Variants in MRPS28 observed in about 807,000 individuals in gnomAD.
MRPS28 encodes small ribosomal subunit protein bS1m.
Under a neutral mutation model 10.8 loss-of-function variants are expected in MRPS28, and 7 were observed. The observed-to-expected ratio is 0.65, with a 90% CI of 0.37 to 1.22. The LOEUF (loss-of-function observed/expected upper bound fraction) is 1.22, where lower values mean the gene tolerates loss of function less well. Among genes scored for constraint, MRPS28 ranks in the 50% most tolerant of loss-of-function variants. The pLI, the probability that MRPS28 is intolerant of heterozygous loss-of-function variation, is 0.02. For synonymous variants in MRPS28, 121 were observed against 93.3 expected (o/e 1.30, Z -1.71); for missense variants, 265 against 232.9 (o/e 1.14, Z -0.90).
intron 2 of MRPS28, among the ~76,000 whole-genome samples, chr8:79,954,638 T>G (rs1386554876): frequency 6.6e-6 from 1 of 152,248 alleles, no homozygotes; most frequent in Non-Finnish European, 1.5e-5. Context: ...AAATACCTCT[T>G]CATTTTAAGA....
chr8:80,004,230 AC>A (rs1808757058), intron 1 of MRPS28, among the ~76,000 whole-genome samples: 1 of 152,072 alleles, frequency 6.6e-6, no homozygotes. Context: ...ACTGGGAGGC[AC>A]CCCCAAGTAG....
At chr8:80,024,811 A>G (rs1287363599) in intron 1 of MRPS28, among the ~76,000 whole-genome samples, 2 of 152,228 alleles carry the variant, frequency 1.3e-5, no homozygotes, top group Admixed American at 1.3e-4. Context: ...TTCTTCAGGA[A>G]CTACAGCTAG....
chr8:79,958,068 T>C (rs776288618), intron 2 of MRPS28: 5 of 242,102 alleles, frequency 2.1e-5, no homozygotes, highest in Non-Finnish European at 3.9e-5. Context: ...TGACTTTGAA[T>C]ATATTCTCAG....
intron 2 of MRPS28, among the ~76,000 whole-genome samples, chr8:79,992,682 A>C (rs1808399368): frequency 6.6e-6 from 1 of 152,230 alleles, no homozygotes; most frequent in African/African-American, 2.4e-5. Context: ...AACAAATCTC[A>C]CACACACTTA....
intron 1 of MRPS28, among the ~76,000 whole-genome samples, chr8:80,006,664 A>G (rs1808856778): frequency 6.6e-6 from 1 of 152,208 alleles, no homozygotes; most frequent in African/African-American, 2.4e-5. Context: ...TAAACTAGAA[A>G]ATCTAGAAGA....
chr8:80,015,210 G>C (rs1318046982), intron 1 of MRPS28, among the ~76,000 whole-genome samples: 1 of 152,200 alleles, frequency 6.6e-6, no homozygotes, highest in Non-Finnish European at 1.5e-5. Context: ...CAGACGGCAA[G>C]TTCTGTGGGG....
chr8:79,971,631 C>G (rs1250257821), intron 2 of MRPS28, among the ~76,000 whole-genome samples: 1 of 152,166 alleles, frequency 6.6e-6, no homozygotes, highest in East Asian at 1.9e-4. Context: ...CCTTTGTGAC[C>G]AGCTTCTTTC....
At chr8:80,009,516 C>T (rs951147661) in intron 1 of MRPS28, among the ~76,000 whole-genome samples, 4 of 151,476 alleles carry the variant, frequency 2.6e-5, no homozygotes, top group Non-Finnish European at 5.9e-5. Flanking sequence ...CTCATGAGGC[C>T]GAGGAAGGAG....
intron 2 of MRPS28, among the ~76,000 whole-genome samples, chr8:79,925,443 C>G (rs907301286): frequency 1.3e-5 from 2 of 152,112 alleles, no homozygotes; most frequent in Non-Finnish European, 2.9e-5. Flanking sequence ...TTCTAAAATT[C>G]TACTATGAAT....
chr8:80,020,447 T>C (rs531208739), intron 1 of MRPS28, among the ~76,000 whole-genome samples: 1 of 152,230 alleles, frequency 6.6e-6, no homozygotes, highest in African/African-American at 2.4e-5. Context: ...TTATTTTTGG[T>C]TTACAAATGT....
intron 2 of MRPS28, among the ~76,000 whole-genome samples, chr8:79,981,822 G>C (rs979244193): frequency 1.3e-5 from 2 of 152,190 alleles, no homozygotes; most frequent in African/African-American, 4.8e-5. Flanking sequence ...AAATGACAGA[G>C]AGTAGCATAA....
At chr8:80,004,319 G>A (rs1344253308) in intron 1 of MRPS28, among the ~76,000 whole-genome samples, 1 of 152,218 alleles carries the variant, frequency 6.6e-6, no homozygotes, top group Non-Finnish European at 1.5e-5. Flanking sequence ...AGCAACATTT[G>A]CTGTTCATCA....
At chr8:79,979,511 GA>G (rs1383803992) in intron 2 of MRPS28, among the ~76,000 whole-genome samples, 1 of 152,020 alleles carries the variant, frequency 6.6e-6, no homozygotes, top group African/African-American at 2.4e-5. Context: ...AATTTTAAAA[GA>G]AATTTTTTTA....
intron 2 of MRPS28, among the ~76,000 whole-genome samples, chr8:79,935,694 A>G (rs1806589937): frequency 6.6e-6 from 1 of 152,218 alleles, no homozygotes; most frequent in Admixed American, 6.5e-5. Flanking sequence ...CAAACAAAAC[A>G]CTAAAAAATG....
intron 2 of MRPS28, among the ~76,000 whole-genome samples, chr8:79,968,988 G>C (rs1187041373): frequency 6.6e-6 from 1 of 152,156 alleles, no homozygotes; most frequent in Non-Finnish European, 1.5e-5. Flanking sequence ...TAATAACAGT[G>C]TGTGTCCAAT....
intron 2 of MRPS28, among the ~76,000 whole-genome samples, chr8:79,973,248 T>C (rs755739240): frequency 1.3e-5 from 2 of 152,152 alleles, no homozygotes; most frequent in Non-Finnish European, 2.9e-5. Flanking sequence ...ACATTTAGAG[T>C]TGGACTCTCA....
intron 1 of MRPS28, among the ~76,000 whole-genome samples, chr8:80,027,558 C>G (rs1001909405): frequency 1.3e-5 from 2 of 152,166 alleles, no homozygotes; most frequent in Non-Finnish European, 2.9e-5. Flanking sequence ...AGTAAATAAC[C>G]TCATTAAGTC....
chr8:80,011,131 T>A (rs59720705), intron 1 of MRPS28, among the ~76,000 whole-genome samples: 2,180 of 147,024 alleles, frequency 0.015, 54 homozygotes, highest in African/African-American at 0.054. Context: ...TTTTTTATTT[T>A]TTTATTTTTA....
Position 80,030,072 on chromosome 8 carries a change from G to C in MRPS28, c.177C>G (p.His59Gln). The C allele has an allele frequency of 6.2e-7, 1 of 1,609,546 alleles. No individual in the cohort carries two copies. Among genetic ancestry groups the C allele is most frequent in the Non-Finnish European group, 8.5e-7 (1 of 1,178,914 alleles). The change falls in exon 1 of 3, where the codon CAC becomes CAG. Residue 59 changes from histidine (H) to glutamine (Q), a missense_variant. Transcript: ENST00000276585. The part of the protein sequence containing the change: ...AGGFASALER[H>Q]SELLQKVEPL... ...GCTCCACCTTCTGTAGAAGCTCCGA[G>C]TGCCGCTCCAACGCGCTCGCGAAAC...
Sources: gnomAD v4.1 joint callset for allele counts (sites outside exome capture counted in the v4.1 genomes callset) on GRCh38, gnomAD v4.1.1 for gene constraint, MANE v1.5 for transcripts, NCBI Gene and HGNC (gene_info 2026-07-23, HGNC 2026-07-21) for gene names.